FSTL5: variants seen among roughly 807,000 people sequenced by gnomAD.
The protein encoded by FSTL5 is follistatin-related protein 5.
A neutral mutation model predicts 89.1 loss-of-function variants in FSTL5; 62 were observed. The ratio of observed to expected loss-of-function variants is 0.70; its 90% CI spans 0.57 to 0.86. The LOEUF is 0.86. Among genes scored for constraint, FSTL5 ranks in the 40% least tolerant of loss-of-function variants. The probability of loss-of-function intolerance (pLI) is 0.00; values close to 1 mark genes in which losing one functional copy is unlikely to be tolerated. For synonymous variants in FSTL5, 383 were observed against 346.2 expected (o/e 1.11, Z -1.18); for missense variants, 1,057 against 1,001.6 (o/e 1.06, Z -0.75).
intron 4 of FSTL5, among the ~76,000 whole-genome samples, chr4:161,872,157 T>TTA (rs1248675397): frequency 1.4e-5 from 2 of 145,560 alleles, no homozygotes; most frequent in Non-Finnish European, 3.0e-5. Flanking sequence ...TTTTTTTTTT[T>TTA]TGTAGAGACA....
At chr4:161,951,823 T>C (rs1196439474) in intron 3 of FSTL5, among the ~76,000 whole-genome samples, 1 of 152,050 alleles carries the variant, frequency 6.6e-6, no homozygotes, top group Non-Finnish European at 1.5e-5. Flanking sequence ...ACCTACTTTG[T>C]ACATATGAAT....
chr4:161,565,927 T>C (rs1473931603), intron 8 of FSTL5, among the ~76,000 whole-genome samples: 1 of 151,296 alleles, frequency 6.6e-6, no homozygotes, highest in Non-Finnish European at 1.5e-5. Flanking sequence ...TTTGGGTATA[T>C]ATGTAGGAGT....
chr4:161,919,797 A>G (rs983283031), intron 4 of FSTL5, among the ~76,000 whole-genome samples: 5 of 145,010 alleles, frequency 3.4e-5, no homozygotes, highest in African/African-American at 1.3e-4. Context: ...ATGTAAAAAT[A>G]ATGTATGGAA....
intron 6 of FSTL5, among the ~76,000 whole-genome samples, chr4:161,703,384 C>A (rs1184601574): frequency 1.3e-5 from 2 of 152,036 alleles, no homozygotes; most frequent in African/African-American, 2.4e-5. Flanking sequence ...CCTTGTTGCA[C>A]CAAGTTAATA....
At chr4:161,455,624 C>T (rs566059387) in intron 14 of FSTL5, among the ~76,000 whole-genome samples, 8 of 152,082 alleles carry the variant, frequency 5.3e-5, no homozygotes, top group African/African-American at 9.6e-5. Flanking sequence ...GAAAAATAAC[C>T]GGTTTACGTG....
At chr4:162,076,185 C>G (rs1224431727) in intron 2 of FSTL5, among the ~76,000 whole-genome samples, 1 of 151,894 alleles carries the variant, frequency 6.6e-6, no homozygotes, top group African/African-American at 2.4e-5. Flanking sequence ...GAGGCCACAA[C>G]TGAACTACCA....
At chr4:161,589,104 T>C (rs1319937121) in intron 7 of FSTL5, among the ~76,000 whole-genome samples, 1 of 151,280 alleles carries the variant, frequency 6.6e-6, no homozygotes, top group Non-Finnish European at 1.5e-5. Flanking sequence ...TTCTTCTGCC[T>C]CAGCCACCTG....
chr4:162,139,443 T>TACACACACGCCCACAC (rs997396555), intron 1 of FSTL5, among the ~76,000 whole-genome samples: 9 of 146,996 alleles, frequency 6.1e-5, no homozygotes, highest in African/African-American at 2.2e-4. Context: ...CATGAAAGTA[T>TACACACACGCCCACAC]ACACACACGC....
chr4:162,011,793 G>C (rs187246865), intron 3 of FSTL5, among the ~76,000 whole-genome samples: 1 of 151,914 alleles, frequency 6.6e-6, no homozygotes, highest in Non-Finnish European at 1.5e-5. Context: ...CACCGCGCCC[G>C]GCCATCAGTT....
rs1264847435 is a variant in FSTL5 at position 161,907,212 on chromosome 4, C to T, written c.409+13192G>A. On this transcript the variant is annotated intron_variant, in intron 4 of 15. Transcript: ENST00000306100. ...ACAGCTAAATGCCATAGTTATTATT[C>T]GGAATATGGAAAAGACACTCTCTAC... 2.6e-5 allele frequency among the ~76,000 whole-genome samples: 4 copies of T among 151,962 alleles called. No individual in the cohort carries two copies. The East Asian group carries it at 7.7e-4, about 29-fold the overall frequency.
intron 4 of FSTL5, among the ~76,000 whole-genome samples, chr4:161,809,730 A>G (rs1320795569): frequency 9.9e-5 from 15 of 152,264 alleles, no homozygotes; most frequent in Admixed American, 9.8e-4. Context: ...ATCCATTCAC[A>G]AAAGAATAAA....
intron 3 of FSTL5, among the ~76,000 whole-genome samples, chr4:162,019,521 T>C (rs1252744001): frequency 6.6e-6 from 1 of 152,028 alleles, no homozygotes; most frequent in Non-Finnish European, 1.5e-5. Flanking sequence ...GTATCATATT[T>C]CTACTTAGAA....
chr4:161,592,796 G>C (rs1015715855), intron 7 of FSTL5, among the ~76,000 whole-genome samples: 11 of 152,140 alleles, frequency 7.2e-5, no homozygotes, highest in Admixed American at 5.9e-4. Flanking sequence ...CCAGCAATGG[G>C]ATTGCTGGGT....
chr4:161,668,102 G>T (rs1230858086), intron 6 of FSTL5, among the ~76,000 whole-genome samples: 1 of 152,026 alleles, frequency 6.6e-6, no homozygotes, highest in Admixed American at 6.6e-5. Flanking sequence ...TTGGTTATCT[G>T]AAAGATAAAA....
chr4:161,778,430 A>G (rs1045245262), intron 4 of FSTL5, among the ~76,000 whole-genome samples: 2 of 152,218 alleles, frequency 1.3e-5, no homozygotes, highest in African/African-American at 4.8e-5. Context: ...ATTTTAAAAG[A>G]AAATGTCTAA....
chr4:162,024,757 G>T (rs1173393578), intron 3 of FSTL5, among the ~76,000 whole-genome samples: 1 of 151,840 alleles, frequency 6.6e-6, no homozygotes, highest in African/African-American at 2.4e-5. Context: ...AACTCAAGTG[G>T]TCCTCCAACC....
At chr4:161,766,548 C>A (rs1248849647) in intron 5 of FSTL5, among the ~76,000 whole-genome samples, 1 of 152,176 alleles carries the variant, frequency 6.6e-6, no homozygotes, top group Admixed American at 6.5e-5. Context: ...TGGCCCCAAA[C>A]CCATGATTCT....
chr4:161,467,312 A>C (rs985989977), intron 13 of FSTL5, among the ~76,000 whole-genome samples: 1 of 152,166 alleles, frequency 6.6e-6, no homozygotes, highest in African/African-American at 2.4e-5. Flanking sequence ...AAAATAGGTA[A>C]ATAAAAGCAC....
At chr4:161,595,756 C>T (rs1347968503) in intron 7 of FSTL5, among the ~76,000 whole-genome samples, 1 of 151,948 alleles carries the variant, frequency 6.6e-6, no homozygotes, top group Non-Finnish European at 1.5e-5. Flanking sequence ...TATTTAACCA[C>T]AGGTTTTTAA....
Sources: gnomAD v4.1 joint callset for allele counts (sites outside exome capture counted in the v4.1 genomes callset) on GRCh38, gnomAD v4.1.1 for gene constraint, MANE v1.5 for transcripts, NCBI Gene and HGNC (gene_info 2026-07-23, HGNC 2026-07-21) for gene names.